The following PLXDC2 variants were observed in gnomAD, a reference collection of about 807,000 sequenced individuals.
PLXDC2 encodes the protein plexin domain containing 2, also known as plexin domain-containing protein 2.
Under a neutral mutation model 68.9 loss-of-function variants are expected in PLXDC2, and 40 were observed. The observed-to-expected ratio is 0.58, with a 90% CI of 0.45 to 0.76. PLXDC2 has a LOEUF of 0.76. PLXDC2 is among the 30% of genes least tolerant of loss of function. The pLI, the probability that PLXDC2 is intolerant of heterozygous loss-of-function variation, is 0.00. For synonymous variants in PLXDC2, 243 were observed against 234.2 expected, an observed-to-expected ratio of 1.04 and a Z score of -0.34; for missense variants, 644 against 661.9, an observed-to-expected ratio of 0.97 and a Z score of 0.30.
chr10:20,134,635 C>T (rs1197352513), intron 4 of PLXDC2, among the ~76,000 whole-genome samples: 1 of 152,148 alleles, frequency 6.6e-6, no homozygotes, highest in Non-Finnish European at 1.5e-5. Flanking sequence ...CATCTTGGGT[C>T]TATGGGAATC....
intron 1 of PLXDC2, among the ~76,000 whole-genome samples, chr10:19,917,754 G>A (rs541561348): frequency 6.6e-6 from 1 of 152,192 alleles, no homozygotes; most frequent in South Asian, 2.1e-4. Flanking sequence ...TTTTTAGTGG[G>A]TATTTAAAAC....
chr10:20,141,374 T>C (rs1834005191), intron 4 of PLXDC2, among the ~76,000 whole-genome samples: 1 of 152,150 alleles, frequency 6.6e-6, no homozygotes, highest in African/African-American at 2.4e-5. Flanking sequence ...GGATTGCTGC[T>C]GTTCTTCTTA....
intron 3 of PLXDC2, among the ~76,000 whole-genome samples, chr10:20,067,423 C>T (rs943677174): frequency 1.3e-5 from 2 of 152,116 alleles, no homozygotes; most frequent in East Asian, 1.9e-4. Flanking sequence ...TGGTGGCTCA[C>T]GCCTGTAATC....
intron 9 of PLXDC2, among the ~76,000 whole-genome samples, chr10:20,199,304 T>C (rs1245876181): frequency 6.6e-6 from 1 of 151,736 alleles, no homozygotes; most frequent in African/African-American, 2.4e-5. Context: ...TTTTACAACA[T>C]AAAAATATGC....
intron 1 of PLXDC2, among the ~76,000 whole-genome samples, chr10:19,957,407 C>T (rs1834088985): frequency 6.6e-6 from 1 of 152,104 alleles, no homozygotes; most frequent in Admixed American, 6.5e-5. Context: ...AAAGTATTTT[C>T]ACACACAAAG....
intron 1 of PLXDC2, among the ~76,000 whole-genome samples, chr10:19,930,973 AAG>A (rs957291363): frequency 1.8e-4 from 27 of 151,926 alleles, no homozygotes; most frequent in Non-Finnish European, 1.9e-4. Flanking sequence ...AAAAGAAAGA[AAG>A]AGAGAGAGAG....
chr10:20,161,504 T>C (rs1055415545), intron 6 of PLXDC2, among the ~76,000 whole-genome samples: 1 of 151,410 alleles, frequency 6.6e-6, no homozygotes, highest in African/African-American at 2.4e-5. Flanking sequence ...GCCATATTAT[T>C]GAGCCTGGAA....
At chr10:20,172,230 G>GAAAAAAAAA (rs571463676) in intron 7 of PLXDC2, among the ~76,000 whole-genome samples, 2 of 110,610 alleles carry the variant, frequency 1.8e-5, no homozygotes. Flanking sequence ...TTGTGAAAAG[G>GAAAAAAAAA]AAAAAAAAAA....
intron 7 of PLXDC2, among the ~76,000 whole-genome samples, chr10:20,165,563 A>G (rs1299339632): frequency 6.6e-6 from 1 of 152,146 alleles, no homozygotes; most frequent in Non-Finnish European, 1.5e-5. Flanking sequence ...TTTACTGAGA[A>G]TGATGATTTC....
At chr10:20,012,122 G>T (rs562369176) in intron 2 of PLXDC2, among the ~76,000 whole-genome samples, 1 of 152,046 alleles carries the variant, frequency 6.6e-6, no homozygotes, top group African/African-American at 2.4e-5. Flanking sequence ...ATTACAAATA[G>T]AGAAGGCATT....
chr10:20,025,351 C>T (rs111292665), intron 2 of PLXDC2, among the ~76,000 whole-genome samples: 1 of 151,968 alleles, frequency 6.6e-6, no homozygotes, highest in East Asian at 1.9e-4. Context: ...GCAACCTCCA[C>T]CTCCCAGGTT....
At chr10:19,922,021 A>G (rs772956426) in intron 1 of PLXDC2, among the ~76,000 whole-genome samples, 2 of 151,924 alleles carry the variant, frequency 1.3e-5, no homozygotes, top group Non-Finnish European at 2.9e-5. Flanking sequence ...ACCATGCCCG[A>G]CTAATTTTTG....
intron 4 of PLXDC2, among the ~76,000 whole-genome samples, chr10:20,074,421 C>T (rs1836398970): frequency 6.6e-6 from 1 of 151,758 alleles, no homozygotes; most frequent in East Asian, 1.9e-4. Flanking sequence ...CACCAGTTTC[C>T]CTCCCAAAAA....
intron 1 of PLXDC2, among the ~76,000 whole-genome samples, chr10:19,997,080 C>T (rs1343655590): frequency 6.6e-6 from 1 of 152,144 alleles, no homozygotes; most frequent in Non-Finnish European, 1.5e-5. Flanking sequence ...AAGTCTTCCT[C>T]AGAGCTTTAA....
chr10:20,177,425 TAAG>T lies in PLXDC2; in HGVS notation c.1061+19_1061+21del. ...AACTTCAAAGGTAAAAATATAATAATAAGAATAATAATAAAATTTAAAAAGATA... is the reference window on the plus strand; with the variant it reads ...AACTTCAAAGGTAAAAATATAATAATAATAATAATAAAATTTAAAAAGATA... On this transcript the variant is annotated intron_variant, in intron 9 of 13. Transcript: ENST00000377252. 1 of 1,213,056 alleles carries T rather than the reference TAAG, an allele frequency of 8.2e-7. No individual in the cohort carries two copies. Among genetic ancestry groups the T allele is most frequent in the Admixed American group, 2.5e-5 (1 of 39,594 alleles). The allele number at this position is 1,213,056 out of a possible 1,614,324, so 75.1% of individuals were successfully genotyped here.
intron 3 of PLXDC2, among the ~76,000 whole-genome samples, chr10:20,061,823 C>T (rs577190496): frequency 9.9e-5 from 15 of 152,012 alleles, no homozygotes; most frequent in Non-Finnish European, 2.1e-4. Context: ...ATTGTGATAC[C>T]GATTCTATTA....
At chr10:20,054,486 G>T (rs1050753975) in intron 3 of PLXDC2, among the ~76,000 whole-genome samples, 7 of 151,934 alleles carry the variant, frequency 4.6e-5, no homozygotes, top group African/African-American at 7.3e-5. Flanking sequence ...TAGATGGATG[G>T]GTAGATGGAA....
chr10:20,047,571 G>T (rs1281571085), intron 3 of PLXDC2, among the ~76,000 whole-genome samples: 1 of 152,106 alleles, frequency 6.6e-6, no homozygotes, highest in Non-Finnish European at 1.5e-5. Flanking sequence ...TTTCCTAAGT[G>T]TGTCTCCTGA....
intron 1 of PLXDC2, among the ~76,000 whole-genome samples, chr10:19,864,679 G>T (rs1380396035): frequency 1.3e-5 from 2 of 152,200 alleles, no homozygotes; most frequent in African/African-American, 2.4e-5. Flanking sequence ...TCATGAAGCA[G>T]CTATGATAAG....
Sources: gnomAD v4.1 joint callset for allele counts (sites outside exome capture counted in the v4.1 genomes callset) on GRCh38, gnomAD v4.1.1 for gene constraint, MANE v1.5 for transcripts, NCBI Gene and HGNC (gene_info 2026-07-23, HGNC 2026-07-21) for gene names.